IGSF21: variants seen among roughly 807,000 people sequenced by gnomAD.
IGSF21 encodes the protein immunoglobulin superfamily member 21.
In IGSF21, 28 loss-of-function variants were observed where a neutral mutation model predicts 46.8. That is an observed-to-expected ratio of 0.60 (90% CI 0.44 to 0.82). The LOEUF is 0.82. IGSF21 is among the 40% of genes least tolerant of loss of function. The pLI, the probability that IGSF21 is intolerant of heterozygous loss-of-function variation, is 0.00. For missense variants in IGSF21, 624 were observed against 665.5 expected, an observed-to-expected ratio of 0.94 and a Z score of 0.69; for synonymous variants, 284 against 273.6, an observed-to-expected ratio of 1.04 and a Z score of -0.38.
intron 2 of IGSF21, among the ~76,000 whole-genome samples, chr1:18,244,526 T>C (rs997892594): frequency 3.0e-4 from 45 of 152,296 alleles, no homozygotes; most frequent in African/African-American, 1.1e-3. Context: ...GAACAATGGA[T>C]CCCTTGCACA....
At chr1:18,138,146 T>C (rs1378901010) in intron 1 of IGSF21, among the ~76,000 whole-genome samples, 1 of 152,194 alleles carries the variant, frequency 6.6e-6, no homozygotes, top group African/African-American at 2.4e-5. Flanking sequence ...ACAGGTGGGC[T>C]GAGCTGGGAT....
intron 1 of IGSF21, among the ~76,000 whole-genome samples, chr1:18,120,310 C>T (rs1266083393): frequency 6.6e-6 from 1 of 152,214 alleles, no homozygotes; most frequent in Non-Finnish European, 1.5e-5. Flanking sequence ...GTGTAGAGGA[C>T]TGCAGCCAAC....
At chr1:18,133,128 C>A (rs760928827) in intron 1 of IGSF21, among the ~76,000 whole-genome samples, 1 of 152,166 alleles carries the variant, frequency 6.6e-6, no homozygotes, top group Non-Finnish European at 1.5e-5. Flanking sequence ...CTAAAATTAG[C>A]GTCTCCATAA....
chr1:18,230,294 C>A (rs973417775), intron 2 of IGSF21, among the ~76,000 whole-genome samples: 1 of 152,136 alleles, frequency 6.6e-6, no homozygotes, highest in East Asian at 1.9e-4. Flanking sequence ...GTAGGGAGAC[C>A]CTCCTCTCTC....
intron 2 of IGSF21, among the ~76,000 whole-genome samples, chr1:18,280,465 G>T (rs115840681): frequency 0.01 from 1,596 of 152,110 alleles, 30 homozygotes; most frequent in African/African-American, 0.036. Context: ...TAAAATAATA[G>T]TAATAATAAT....
At chr1:18,315,674 T>C (rs1210729588) in intron 3 of IGSF21, among the ~76,000 whole-genome samples, 2 of 149,326 alleles carry the variant, frequency 1.3e-5, no homozygotes, top group African/African-American at 5.0e-5. Context: ...GGAGAATGGA[T>C]AGATGATGGA....
chr1:18,250,942 T>C (rs1488298746), intron 2 of IGSF21, among the ~76,000 whole-genome samples: 5 of 152,106 alleles, frequency 3.3e-5, no homozygotes, highest in Admixed American at 2.0e-4. Flanking sequence ...AGAGAGTAAC[T>C]GGGGCTTCTT....
intron 1 of IGSF21, among the ~76,000 whole-genome samples, chr1:18,181,694 A>T (rs1385828732): frequency 6.6e-6 from 1 of 152,034 alleles, no homozygotes; most frequent in Non-Finnish European, 1.5e-5. Flanking sequence ...GGAACAGGGG[A>T]GGCCTTCTGA....
At chr1:18,340,309 T>C (rs1267189248) in intron 4 of IGSF21, among the ~76,000 whole-genome samples, 2 of 151,312 alleles carry the variant, frequency 1.3e-5, no homozygotes, top group East Asian at 2.0e-4. Flanking sequence ...GGGAGACAAA[T>C]GGGATGTCAG....
chr1:18,199,137 G>A (rs1248529196), intron 1 of IGSF21, among the ~76,000 whole-genome samples: 1 of 152,014 alleles, frequency 6.6e-6, no homozygotes, highest in East Asian at 1.9e-4. Context: ...GTTTTGCAAG[G>A]CCCCCCGGTA....
intron 1 of IGSF21, among the ~76,000 whole-genome samples, chr1:18,203,045 T>C (rs1009469229): frequency 1.3e-5 from 2 of 152,074 alleles, no homozygotes; most frequent in African/African-American, 4.8e-5. Flanking sequence ...GCTAGCTGGG[T>C]AACACTGGGA....
At chr1:18,277,710 C>A (rs2085116324) in intron 2 of IGSF21, among the ~76,000 whole-genome samples, 1 of 152,154 alleles carries the variant, frequency 6.6e-6, no homozygotes, top group Admixed American at 6.5e-5. Flanking sequence ...AGGAATAAAC[C>A]ATGGTACACA....
chr1:18,119,561 G>T (rs546891887), intron 1 of IGSF21, among the ~76,000 whole-genome samples: 1 of 152,328 alleles, frequency 6.6e-6, no homozygotes, highest in African/African-American at 2.4e-5. Flanking sequence ...AAAGTAACAA[G>T]GAATCATAGC....
chr1:18,323,304 T>TCAGGA lies in IGSF21; in HGVS notation c.306-11585_306-11581dup, dbSNP rs542386373. Among the ~76,000 whole-genome samples the TCAGGA allele has an allele frequency of 1.1e-4, 17 of 152,202 alleles. No homozygotes were observed. In the South Asian group the frequency reaches 3.5e-3, roughly 32 times the overall value. ...TGTCCCAGCTTCACCACCCAGGGCC[T>TCAGGA]CAGGACAAAGGGCTTGAGGTGCAGA... On this transcript the variant is annotated intron_variant, in intron 3 of 9. Coordinates refer to ENST00000251296, the MANE Select transcript of IGSF21 (RefSeq NM_032880.5).
intron 1 of IGSF21, among the ~76,000 whole-genome samples, chr1:18,207,943 A>C (rs1473099662): frequency 1.3e-5 from 2 of 152,210 alleles, no homozygotes. Flanking sequence ...GATCAGATAC[A>C]GAAGGGCTGT....
intron 1 of IGSF21, among the ~76,000 whole-genome samples, chr1:18,203,515 G>A (rs1361749212): frequency 1.3e-5 from 2 of 152,190 alleles, no homozygotes; most frequent in Non-Finnish European, 2.9e-5. Flanking sequence ...CACCATGTTG[G>A]CCAGGTTGGC....
intron 4 of IGSF21, among the ~76,000 whole-genome samples, chr1:18,336,546 T>G (rs1244406378): frequency 6.6e-6 from 1 of 152,220 alleles, no homozygotes; most frequent in Non-Finnish European, 1.5e-5. Context: ...CCAGGCATCT[T>G]GACTCCAAGG....
At chr1:18,154,316 C>T (rs538228933) in intron 1 of IGSF21, among the ~76,000 whole-genome samples, 118 of 152,138 alleles carry the variant, frequency 7.8e-4, no homozygotes, top group African/African-American at 2.6e-3. Context: ...CTTTCAAGGC[C>T]GCGAGTCCCA....
intron 2 of IGSF21, among the ~76,000 whole-genome samples, chr1:18,234,891 A>G (rs1291592362): frequency 2.0e-5 from 3 of 152,180 alleles, no homozygotes; most frequent in Non-Finnish European, 4.4e-5. Context: ...AGTTGTAACC[A>G]TCCAGACTCA....
Sources: allele counts gnomAD v4.1 joint callset (sites outside exome capture counted in the v4.1 genomes callset), GRCh38; gene constraint gnomAD v4.1.1; transcripts MANE v1.5; gene names NCBI Gene and HGNC (gene_info 2026-07-23, HGNC 2026-07-21).